The following GREB1L variants were observed in gnomAD, a reference collection of about 807,000 sequenced individuals.
GREB1L encodes GREB1-like protein.
In GREB1L, 17 loss-of-function variants were observed where a neutral mutation model predicts 200.8. The ratio of observed to expected loss-of-function variants is 0.08; its 90% CI spans 0.06 to 0.13. The LOEUF (loss-of-function observed/expected upper bound fraction) is 0.13. Among genes scored for constraint, GREB1L ranks in the 10% least tolerant of loss-of-function variants. The probability of loss-of-function intolerance (pLI) is 1.00; values close to 1 mark genes in which losing one functional copy is unlikely to be tolerated. For missense variants in GREB1L, 1,657 were observed against 2,367.7 expected (o/e 0.70, Z 6.23); for synonymous variants, 789 against 893.0 (o/e 0.88, Z 2.08).
At chr18:21,485,272 T>C (rs181272158) in intron 17 of GREB1L, 38 of 169,800 alleles carry the variant, frequency 2.2e-4, no homozygotes, top group African/African-American at 8.5e-4. Flanking sequence ...GGAAAGCCTA[T>C]TTATCTGTAT....
rs551513976 is a variant in GREB1L at position 21,478,214 on chromosome 18, C to T, written c.2556+858C>T. On this transcript the variant is annotated intron_variant, in intron 17 of 32. Transcript: ENST00000424526. ...ATGGCACTGTTACTTTAGATAACTC[C>T]ATAGTAGCAGTGAATGTGTTGAGAC... 7.2e-5 allele frequency among the ~76,000 whole-genome samples: 11 copies of T among 152,218 alleles called. No homozygotes were observed. In the South Asian group the frequency reaches 2.3e-3, roughly 32 times the overall value.
rs935699063 is a variant in GREB1L at position 21,516,559 on chromosome 18, A to G, written c.5130-54A>G. 4.1e-5 allele frequency: 62 copies of G among 1,499,728 alleles called. No homozygotes were observed. The African/African-American group carries it at 6.5e-4, about 16-fold the overall frequency. 92.9% of individuals were successfully genotyped at this position (1,499,728 alleles called of 1,614,324 possible). On this transcript the variant is annotated intron_variant, in intron 29 of 32. Coordinates refer to ENST00000424526, the MANE Select transcript of GREB1L (RefSeq NM_001142966.3). Reference sequence around the variant, plus strand: ...CACATTTATTTCTCTGTGTATAGTTATCATGGTTGAGATATGCCAGCGGAA... The same window carrying G: ...CACATTTATTTCTCTGTGTATAGTTGTCATGGTTGAGATATGCCAGCGGAA...
chr18:21,520,869 C>T (rs2037580514), intron 32 of GREB1L, 46 bp downstream of exon 32: 1 of 1,472,776 alleles, frequency 6.8e-7, no homozygotes, highest in East Asian at 2.5e-5. Flanking sequence ...TTGGTTCCCA[C>T]TGAGCAAAAT....
At position 21,349,619 on chromosome 18, in the gene GREB1L, G is replaced by T. The variant is rs192200427; in HGVS notation, c.-119-16408G>T. On this transcript the variant is annotated intron_variant, in intron 1 of 32. Coordinates refer to ENST00000424526, the MANE Select transcript of GREB1L (RefSeq NM_001142966.3). ...TCCTGTCAGATCAGTGGCGGCATTA[G>T]ATTCTCGTAGGCTCCCAAAACCTAT... 4.5e-3 allele frequency among the ~76,000 whole-genome samples: 692 copies of T among 152,190 alleles called. 5 individuals carry two copies. Among genetic ancestry groups the T allele is most frequent in the African/African-American group, 0.016 (656 of 41,554 alleles).
intron 1 of GREB1L, among the ~76,000 whole-genome samples, chr18:21,268,477 ATG>A (rs1197124499): frequency 2.1e-5 from 3 of 141,352 alleles, no homozygotes; most frequent in African/African-American, 7.7e-5. Context: ...GTCTATATAT[ATG>A]TGTGTGTGTG....
chr18:21,352,003 A>G (rs1252279618), intron 1 of GREB1L, among the ~76,000 whole-genome samples: 1 of 151,898 alleles, frequency 6.6e-6, no homozygotes, highest in Non-Finnish European at 1.5e-5. Context: ...ACGCGCCACC[A>G]CGCCCGGCTA....
intron 2 of GREB1L, among the ~76,000 whole-genome samples, chr18:21,371,643 C>T (rs1484017021): frequency 2.0e-5 from 3 of 151,624 alleles, no homozygotes; most frequent in East Asian, 1.9e-4. Flanking sequence ...ACAAATTAGC[C>T]GGGCGTGGCG....
At chr18:21,242,994 C>G (rs1315808343) in intron 1 of GREB1L, among the ~76,000 whole-genome samples, 1 of 152,072 alleles carries the variant, frequency 6.6e-6, no homozygotes, top group Non-Finnish European at 1.5e-5. Flanking sequence ...TTCCTCAACA[C>G]CAAATGTCAC....
intron 7 of GREB1L, among the ~76,000 whole-genome samples, chr18:21,415,813 A>G (rs993608052): frequency 6.6e-6 from 1 of 152,206 alleles, no homozygotes; most frequent in Non-Finnish European, 1.5e-5. Context: ...TGCCTAAAAT[A>G]TCATGAAAGC....
chr18:21,373,792 T>C (rs1350214990), intron 2 of GREB1L, among the ~76,000 whole-genome samples: 2 of 152,236 alleles, frequency 1.3e-5, no homozygotes, highest in Non-Finnish European at 2.9e-5. Context: ...AATGCTTTGC[T>C]CTTTTCTTTT....
At chr18:21,369,386 C>G (rs1226404088) in intron 2 of GREB1L, among the ~76,000 whole-genome samples, 2 of 152,102 alleles carry the variant, frequency 1.3e-5, no homozygotes, top group Non-Finnish European at 1.5e-5. Flanking sequence ...TATTGTTTTG[C>G]TTCTTTGATC....
At chr18:21,309,732 C>T (rs1404486480) in intron 1 of GREB1L, among the ~76,000 whole-genome samples, 1 of 152,142 alleles carries the variant, frequency 6.6e-6, no homozygotes, top group Non-Finnish European at 1.5e-5. Flanking sequence ...TGCCCCTTCT[C>T]TGTGGGTGAG....
At chr18:21,381,281 G>A (rs1353344832) in intron 2 of GREB1L, among the ~76,000 whole-genome samples, 2 of 151,584 alleles carry the variant, frequency 1.3e-5, no homozygotes, top group Non-Finnish European at 2.9e-5. Context: ...AGTGGCAGGC[G>A]CCTGTAATCC....
chr18:21,500,624 G>C lies in GREB1L; in HGVS notation c.4054G>C (p.Glu1352Gln), dbSNP rs1439673210. The change falls in exon 23 of 33, where the codon GAG becomes CAG. Residue 1352 changes from glutamate to glutamine, a missense_variant. This residue lies in a region of GREB1L where 512 missense variants were observed against 668.3 expected (regional missense o/e 0.77). Coordinates refer to ENST00000424526, the MANE Select transcript of GREB1L (RefSeq NM_001142966.3). ...GCTCCTGGAGGTGGACGTGTATGAT[G>C]AGGAGGAGATCAACACCGGTGAGTG... is the stretch of plus-strand genomic sequence containing the variant. ...IRLLEVDVYD[E>Q]EEINTDHNES... 6.5e-7 allele frequency: 1 copy of C among 1,548,602 alleles called. No homozygotes were observed. The highest frequency in any genetic ancestry group is 8.7e-7 in the Non-Finnish European group (1 of 1,145,760).
chr18:21,322,040 AAGG>A (rs2038959183), intron 1 of GREB1L, among the ~76,000 whole-genome samples: 1 of 152,238 alleles, frequency 6.6e-6, no homozygotes, highest in African/African-American at 2.4e-5. Flanking sequence ...AAATTAGAAT[AAGG>A]AGGAGGTGAA....
At chr18:21,425,119 T>C (rs1242575104) in intron 7 of GREB1L, among the ~76,000 whole-genome samples, 1 of 152,230 alleles carries the variant, frequency 6.6e-6, no homozygotes, top group Non-Finnish European at 1.5e-5. Context: ...CCATTATTGA[T>C]TTATAAGAGG....
intron 7 of GREB1L, among the ~76,000 whole-genome samples, chr18:21,431,919 CTTTTTTT>C (rs773523492): frequency 5.5e-5 from 5 of 91,278 alleles, no homozygotes; most frequent in African/African-American, 5.4e-5. Flanking sequence ...CTTTTCTTTT[CTTTTTTT>C]TTTTTTTTTT....
Position 21,522,843 on chromosome 18 carries a change from G to A in GREB1L, c.*22G>A, listed in dbSNP as rs1431187272. Reference sequence around the variant, plus strand: ...ATGAGCTTTTGAAGAGACCAAAACAGCAAAAAGATGCCTAGGTGGGATGGG... The same window carrying A: ...ATGAGCTTTTGAAGAGACCAAAACAACAAAAAGATGCCTAGGTGGGATGGG... On this transcript the variant is annotated 3_prime_UTR_variant, in exon 33 of 33. Coordinates refer to ENST00000424526, the MANE Select transcript of GREB1L (RefSeq NM_001142966.3). 3 of 1,522,224 alleles carry A rather than the reference G, an allele frequency of 2.0e-6. No homozygotes were observed. Among genetic ancestry groups the A allele is most frequent in the Admixed American group, 2.2e-5 (1 of 45,774 alleles). 94.3% of individuals were successfully genotyped at this position (1,522,224 alleles called of 1,614,324 possible). A position where few individuals can be genotyped will look rare whatever the true frequency, so the allele number is the denominator to read the frequency against.
chr18:21,439,676 AC>A, intron 8 of GREB1L, 39 bp downstream of exon 8: 14 of 1,251,296 alleles, frequency 1.1e-5, no homozygotes, highest in Non-Finnish European at 1.6e-5. Context: ...TAATGCACTT[AC>A]CAGTGGTTAC....
Sources: allele counts gnomAD v4.1 joint callset (sites outside exome capture counted in the v4.1 genomes callset), GRCh38; gene constraint gnomAD v4.1.1; regional missense constraint gnomAD v4.1.1; transcripts MANE v1.5; gene names NCBI Gene and HGNC (gene_info 2026-07-23, HGNC 2026-07-21).